Variants in RBMS3 observed in about 807,000 individuals in gnomAD.
RBMS3 encodes RNA binding motif single stranded interacting protein 3, also known as RNA-binding motif, single-stranded-interacting protein 3.
RBMS3 carries 27 observed loss-of-function variants against 66.8 expected under a neutral mutation model. The ratio of observed to expected loss-of-function variants is 0.40; its 90% confidence interval spans 0.30 to 0.56. RBMS3 has a LOEUF of 0.56. Among genes scored for constraint, RBMS3 ranks in the 20% least tolerant of loss-of-function variants. The pLI is 0.40. For synonymous variants in RBMS3, 188 were observed against 183.0 expected (o/e 1.03, Z -0.22); for missense variants, 513 against 549.5 (o/e 0.93, Z 0.66).
intron 4 of RBMS3, among the ~76,000 whole-genome samples, chr3:29,678,577 A>C (rs530010923): frequency 1.9e-4 from 29 of 152,336 alleles, no homozygotes; most frequent in African/African-American, 6.3e-4. Context: ...AGGGTCGGAC[A>C]TCTTTGTAAG....
At position 29,677,282 on chromosome 3, in the gene RBMS3, G is replaced by A. The variant is rs183148582; in HGVS notation, c.400-62438G>A. On this transcript the variant is annotated intron_variant, in intron 4 of 14. Coordinates refer to ENST00000383767, the MANE Select transcript of RBMS3 (RefSeq NM_001003793.3). The stretch of plus-strand genomic sequence containing the variant: ...TCCAAACCATATCACTTGCTTTGAT[G>A]TTTGTTTTCTTCCGATGATAGTGTT... Among the ~76,000 whole-genome samples, 18 of 152,228 alleles carry A rather than the reference G, an allele frequency of 1.2e-4. No individual in the cohort carries two copies. In the East Asian group the frequency reaches 3.3e-3, roughly 28 times the overall value.
At chr3:29,680,516 T>C (rs73052452) in intron 4 of RBMS3, among the ~76,000 whole-genome samples, 9,346 of 152,260 alleles carry the variant, frequency 0.061, 525 homozygotes, top group East Asian at 0.26. Context: ...AAACAGTGAC[T>C]GAAATATTTC....
chr3:29,357,204 C>T (rs2037274740), intron 1 of RBMS3, among the ~76,000 whole-genome samples: 1 of 152,094 alleles, frequency 6.6e-6, no homozygotes, highest in African/African-American at 2.4e-5. Flanking sequence ...CCCCAGCCCC[C>T]AACCCCACAA....
chr3:29,680,350 T>C (rs755366390), intron 4 of RBMS3, among the ~76,000 whole-genome samples: 7 of 152,252 alleles, frequency 4.6e-5, no homozygotes, highest in African/African-American at 9.6e-5. Flanking sequence ...TATTCTCTCT[T>C]GCTCTGGATG....
At chr3:29,345,763 GGA>G (rs2036536418) in intron 1 of RBMS3, among the ~76,000 whole-genome samples, 1 of 152,098 alleles carries the variant, frequency 6.6e-6, no homozygotes, top group South Asian at 2.1e-4. Context: ...AGGCCATTAA[GGA>G]AACAGGTTTG....
chr3:29,744,785 G>GGAAA lies in RBMS3; in HGVS notation c.557+4908_557+4909insGAAA, dbSNP rs34726699. 9.4e-5 allele frequency among the ~76,000 whole-genome samples: 13 copies of GGAAA among 138,180 alleles called. 1 individual carries two copies. The highest frequency in any genetic ancestry group is 1.5e-4 in the Admixed American group (2 of 13,700). 90.7% of individuals were successfully genotyped at this position (138,180 alleles called of 152,430 possible). A position where few individuals can be genotyped will look rare whatever the true frequency, so the allele number is the denominator to read the frequency against. On this transcript the variant is annotated intron_variant, in intron 5 of 14. Transcript: ENST00000383767. ...CACGATAGTGTAAGACTCCGTCTCG[G>GGAAA]AAAAAAAAAAAAAAAAGTGCTTATT...
At chr3:29,978,489 C>T (rs1697750559) in intron 12 of RBMS3, among the ~76,000 whole-genome samples, 1 of 151,428 alleles carries the variant, frequency 6.6e-6, no homozygotes, top group South Asian at 2.1e-4. Context: ...TTAAAAGATA[C>T]ACACACATAC....
chr3:29,964,937 C>T (rs1292338950), intron 12 of RBMS3, among the ~76,000 whole-genome samples: 1 of 152,124 alleles, frequency 6.6e-6, no homozygotes, highest in Non-Finnish European at 1.5e-5. Context: ...GTCCTCATAG[C>T]TTAGCTCCCA....
intron 1 of RBMS3, among the ~76,000 whole-genome samples, chr3:29,349,340 T>G (rs544527495): frequency 6.6e-6 from 1 of 152,306 alleles, no homozygotes; most frequent in South Asian, 2.1e-4. Flanking sequence ...GATCCCTGGC[T>G]CCAACAAAGT....
chr3:29,368,150 T>C (rs2038007226), intron 1 of RBMS3, among the ~76,000 whole-genome samples: 1 of 152,186 alleles, frequency 6.6e-6, no homozygotes, highest in South Asian at 2.1e-4. Context: ...TAGTTGACTT[T>C]CTATCAAAAT....
At chr3:29,617,648 G>T (rs2048715404) in intron 4 of RBMS3, among the ~76,000 whole-genome samples, 1 of 152,150 alleles carries the variant, frequency 6.6e-6, no homozygotes. Context: ...CCAGGCACTG[G>T]CAAGGTCCTA....
intron 4 of RBMS3, among the ~76,000 whole-genome samples, chr3:29,629,522 T>G (rs1253009124): frequency 6.6e-6 from 1 of 152,106 alleles, no homozygotes; most frequent in Non-Finnish European, 1.5e-5. Flanking sequence ...CTAAAATTGG[T>G]AAAAATGTTA....
At chr3:29,465,542 ATTT>A in intron 2 of RBMS3, among the ~76,000 whole-genome samples, 1 of 133,220 alleles carries the variant, frequency 7.5e-6, no homozygotes, top group South Asian at 2.4e-4. Context: ...ATGTGCCCTT[ATTT>A]TTTTTTTTTT....
rs372907573 is a variant in RBMS3, at chr3:29,757,015, C to T, written c.558-5895C>T. Among the ~76,000 whole-genome samples the T allele has an allele frequency of 1.2e-4, 19 of 152,150 alleles. 1 individual carries two copies. Among genetic ancestry groups the T allele is most frequent in the African/African-American group, 4.6e-4 (19 of 41,510 alleles). On this transcript the variant is annotated intron_variant, in intron 5 of 14. Transcript: ENST00000383767. ...TGGGTTTGATTAATTAAATCATTAG[C>T]CCTTGGTGTTTGAGCTCAATCTCTG...
intron 6 of RBMS3, among the ~76,000 whole-genome samples, chr3:29,781,399 C>T (rs952690329): frequency 6.6e-6 from 1 of 152,072 alleles, no homozygotes; most frequent in Non-Finnish European, 1.5e-5. Context: ...TTTTATTGCT[C>T]AGCAGTATTT....
At chr3:29,882,133 T>C (rs1367416516) in intron 7 of RBMS3, among the ~76,000 whole-genome samples, 1 of 152,200 alleles carries the variant, frequency 6.6e-6, no homozygotes, top group East Asian at 1.9e-4. Flanking sequence ...TGGACAGCTT[T>C]TACGACTGCC....
intron 1 of RBMS3, among the ~76,000 whole-genome samples, chr3:29,319,007 A>G (rs551585446): frequency 1.6e-4 from 24 of 152,114 alleles, no homozygotes; most frequent in Non-Finnish European, 2.6e-4. Flanking sequence ...TCAAAGAGAT[A>G]TAAAACAGGA....
chr3:29,683,733 C>T (rs1333710761), intron 4 of RBMS3, among the ~76,000 whole-genome samples: 1 of 152,192 alleles, frequency 6.6e-6, no homozygotes, highest in Non-Finnish European at 1.5e-5. Flanking sequence ...CAGAGACAGT[C>T]TGTCTGAACC....
intron 4 of RBMS3, among the ~76,000 whole-genome samples, chr3:29,618,044 A>G (rs943507469): frequency 2.6e-5 from 4 of 152,090 alleles, no homozygotes; most frequent in African/African-American, 7.2e-5. Context: ...ATGCTGTAAA[A>G]CCACCTCAAA....
Sources: gnomAD v4.1 joint callset for allele counts (sites outside exome capture counted in the v4.1 genomes callset) on GRCh38, gnomAD v4.1.1 for gene constraint, MANE v1.5 for transcripts, NCBI Gene and HGNC (gene_info 2026-07-23, HGNC 2026-07-21) for gene names.